The following LEKR1 variants were observed in gnomAD, a reference collection of about 807,000 sequenced individuals.
The protein encoded by LEKR1 is protein LEKR1.
A neutral mutation model predicts 72.4 loss-of-function variants in LEKR1; 59 were observed. The observed-to-expected ratio is 0.82, with a 90% CI of 0.66 to 1.01. The LOEUF (loss-of-function observed/expected upper bound fraction) is 1.01, where lower values mean the gene tolerates loss of function less well. LEKR1 is among the 50% of genes least tolerant of loss of function. The pLI is 0.00. For missense variants in LEKR1, 728 were observed against 759.2 expected, an observed-to-expected ratio of 0.96 and a Z score of 0.48; for synonymous variants, 257 against 263.2, an observed-to-expected ratio of 0.98 and a Z score of 0.23.
chr3:156,854,057 C>G (rs1482015768), intron 3 of LEKR1, among the ~76,000 whole-genome samples: 1 of 151,708 alleles, frequency 6.6e-6, no homozygotes, highest in Non-Finnish European at 1.5e-5. Flanking sequence ...ATTACTGGTA[C>G]CCAGCTGATT....
chr3:156,984,048 G>A (rs1730467849), intron 7 of LEKR1, among the ~76,000 whole-genome samples: 1 of 152,094 alleles, frequency 6.6e-6, no homozygotes, highest in Non-Finnish European at 1.5e-5. Context: ...AGTATGTCCA[G>A]GATTGTAACC....
At chr3:156,864,449 A>C (rs1238009973) in intron 3 of LEKR1, among the ~76,000 whole-genome samples, 3 of 151,904 alleles carry the variant, frequency 2.0e-5, no homozygotes, top group Non-Finnish European at 2.9e-5. Context: ...CTTCTTTTCC[A>C]ACAGTATTTC....
chr3:157,041,874 G>T (rs1358490679), intron 12 of LEKR1, among the ~76,000 whole-genome samples: 1 of 152,128 alleles, frequency 6.6e-6, no homozygotes, highest in Non-Finnish European at 1.5e-5. Context: ...TGACTAAATT[G>T]CTGAAAACTA....
intron 11 of LEKR1, among the ~76,000 whole-genome samples, chr3:157,026,398 A>T (rs1734194679): frequency 6.6e-6 from 1 of 152,152 alleles, no homozygotes. Flanking sequence ...TTTGTAAGTG[A>T]AACCTCCTGA....
chr3:156,925,592 A>C, intron 4 of LEKR1, among the ~76,000 whole-genome samples: 1 of 151,950 alleles, frequency 6.6e-6, no homozygotes, highest in South Asian at 2.1e-4. Context: ...AGGCAAATTT[A>C]TTGTGAACCA....
chr3:157,027,397 A>T lies in LEKR1; in HGVS notation c.1369-706A>T, dbSNP rs372819186. 1.6e-4 allele frequency among the ~76,000 whole-genome samples: 24 copies of T among 152,286 alleles called. No homozygotes were observed. In the South Asian group the frequency reaches 3.9e-3, roughly 25 times the overall value. On this transcript the variant is annotated intron_variant, in intron 11 of 12. Transcript: ENST00000356539. ...AAAAAATTATGTTAAAGAAAAATTT[A>T]TTGGTACAGTTAGGGTAAAGTATAA...
At chr3:156,879,281 T>C (rs922437491) in intron 3 of LEKR1, among the ~76,000 whole-genome samples, 56 of 152,162 alleles carry the variant, frequency 3.7e-4, no homozygotes, top group Non-Finnish European at 7.4e-5. Flanking sequence ...GAGGAACTTG[T>C]CGAGAACTGG....
At chr3:156,895,590 G>A (rs764337820) in intron 3 of LEKR1, among the ~76,000 whole-genome samples, 40 of 151,888 alleles carry the variant, frequency 2.6e-4, no homozygotes, top group African/African-American at 9.2e-4. Context: ...CAGCCTGGAC[G>A]ACAGAGGGAG....
intron 9 of LEKR1, among the ~76,000 whole-genome samples, chr3:156,998,031 T>TCG (rs766500544): frequency 6.6e-6 from 1 of 152,106 alleles, no homozygotes; most frequent in Non-Finnish European, 1.5e-5. Context: ...GAAAGGGGTT[T>TCG]CCTTTATGGA....
At chr3:156,898,050 A>G (rs1477838947) in intron 3 of LEKR1, among the ~76,000 whole-genome samples, 1 of 152,156 alleles carries the variant, frequency 6.6e-6, no homozygotes, top group Non-Finnish European at 1.5e-5. Flanking sequence ...TTTACTATTC[A>G]GATCTTTAAA....
At chr3:156,987,274 A>G (rs1730772295) in intron 7 of LEKR1, among the ~76,000 whole-genome samples, 1 of 152,180 alleles carries the variant, frequency 6.6e-6, no homozygotes, top group South Asian at 2.1e-4. Context: ...ACAAAGGTAG[A>G]CCATAAAAAG....
At chr3:156,831,876 G>A (rs959976095) in intron 2 of LEKR1, among the ~76,000 whole-genome samples, 1 of 152,210 alleles carries the variant, frequency 6.6e-6, no homozygotes, top group African/African-American at 2.4e-5. Flanking sequence ...AGGCAAGACT[G>A]AATTTGGTTA....
chr3:156,996,575 G>T (rs576323660), intron 9 of LEKR1, among the ~76,000 whole-genome samples: 1 of 152,306 alleles, frequency 6.6e-6, no homozygotes, highest in African/African-American at 2.4e-5. Flanking sequence ...GACGGAGAAG[G>T]TATTGGCAAT....
At chr3:157,044,769 G>A (rs1735627848) in intron 12 of LEKR1, among the ~76,000 whole-genome samples, 1 of 152,108 alleles carries the variant, frequency 6.6e-6, no homozygotes, top group Non-Finnish European at 1.5e-5. Context: ...TGGCAAATGA[G>A]CCTCTTATTT....
At chr3:156,883,784 C>A (rs943700035) in intron 3 of LEKR1, among the ~76,000 whole-genome samples, 2 of 152,194 alleles carry the variant, frequency 1.3e-5, no homozygotes, top group African/African-American at 2.4e-5. Context: ...ATCCTTAAAT[C>A]TCTTTTTTAA....
chr3:157,029,806 A>G (rs1051220959), intron 12 of LEKR1, among the ~76,000 whole-genome samples: 3 of 152,160 alleles, frequency 2.0e-5, no homozygotes, highest in African/African-American at 7.2e-5. Context: ...GAAGCAGGAT[A>G]AAGGACAGAA....
chr3:157,023,627 C>CA (rs1370562919), intron 10 of LEKR1, among the ~76,000 whole-genome samples: 1 of 152,142 alleles, frequency 6.6e-6, no homozygotes, highest in Non-Finnish European at 1.5e-5. Context: ...ATAACAGCCC[C>CA]TAAGGGAACT....
chr3:156,964,329 T>C (rs983902851), intron 6 of LEKR1, among the ~76,000 whole-genome samples: 36 of 152,176 alleles, frequency 2.4e-4, no homozygotes, highest in African/African-American at 7.5e-4. Context: ...TAGTATTCTG[T>C]TGTTTGGATT....
chr3:156,838,315 A>T (rs1713427758), intron 2 of LEKR1, among the ~76,000 whole-genome samples: 1 of 152,240 alleles, frequency 6.6e-6, no homozygotes, highest in South Asian at 2.1e-4. Context: ...TCTTTCAGGG[A>T]ATTCTCTCCA....
Sources: gnomAD v4.1 joint callset for allele counts (sites outside exome capture counted in the v4.1 genomes callset) on GRCh38, gnomAD v4.1.1 for gene constraint, MANE v1.5 for transcripts, NCBI Gene and HGNC (gene_info 2026-07-23, HGNC 2026-07-21) for gene names.